The following SLC10A7 variants were observed in gnomAD, a reference collection of about 807,000 sequenced individuals.
The protein encoded by SLC10A7 is solute carrier family 10 member 7, also known as sodium/bile acid cotransporter 7.
In SLC10A7, 29 loss-of-function variants were observed where a neutral mutation model predicts 43.2. That is an observed-to-expected ratio of 0.67 (90% CI 0.50 to 0.92). The LOEUF is 0.92. Ranked by LOEUF, SLC10A7 falls within the 40% of genes least tolerant of loss-of-function variation. The pLI, the probability that SLC10A7 is intolerant of heterozygous loss-of-function variation, is 0.00. For missense variants in SLC10A7, 295 were observed against 403.2 expected (o/e 0.73, Z 2.30); for synonymous variants, 152 against 144.8 (o/e 1.05, Z -0.35).
intron 4 of SLC10A7, among the ~76,000 whole-genome samples, chr4:146,467,477 A>ACACG (rs1733135240): frequency 6.7e-6 from 1 of 150,362 alleles, no homozygotes; most frequent in Admixed American, 6.6e-5. Context: ...ACACACACAC[A>ACACG]CACACACACA....
At chr4:146,432,461 C>CAAAAGTGTAT (rs1729849371) in intron 5 of SLC10A7, among the ~76,000 whole-genome samples, 1 of 151,918 alleles carries the variant, frequency 6.6e-6, no homozygotes, top group South Asian at 2.1e-4. Context: ...AGATGAATCA[C>CAAAAGTGTAT]AAAAGTGTAT....
chr4:146,385,844 A>T (rs2149796564), intron 5 of SLC10A7, among the ~76,000 whole-genome samples: 1 of 152,308 alleles, frequency 6.6e-6, no homozygotes, highest in Admixed American at 6.5e-5. Context: ...AAGTGAGAAC[A>T]TGCAGTATTT....
chr4:146,402,730 A>C (rs1015701823), intron 5 of SLC10A7, among the ~76,000 whole-genome samples: 2 of 152,244 alleles, frequency 1.3e-5, no homozygotes, highest in African/African-American at 4.8e-5. Context: ...TTCTAACTCC[A>C]TTTCGCCTTG....
chr4:146,439,699 C>T (rs76044323), intron 5 of SLC10A7, among the ~76,000 whole-genome samples: 248 of 152,146 alleles, frequency 1.6e-3, no homozygotes, highest in Non-Finnish European at 3.0e-3. Flanking sequence ...ACAGTTTAGG[C>T]GCTATCATTA....
At chr4:146,439,528 C>A (rs192528246) in intron 5 of SLC10A7, among the ~76,000 whole-genome samples, 2 of 152,136 alleles carry the variant, frequency 1.3e-5, no homozygotes, top group South Asian at 2.1e-4. Flanking sequence ...TCTTGCCAAG[C>A]TTAGTCAGAG....
At chr4:146,279,020 G>A (rs1489296392) in intron 10 of SLC10A7, among the ~76,000 whole-genome samples, 1 of 152,134 alleles carries the variant, frequency 6.6e-6, no homozygotes, top group African/African-American at 2.4e-5. Context: ...GTACACAAAT[G>A]TCTGTAAATG....
intron 4 of SLC10A7, among the ~76,000 whole-genome samples, chr4:146,455,604 A>C (rs2149922856): frequency 6.6e-6 from 1 of 152,044 alleles, no homozygotes; most frequent in South Asian, 2.1e-4. Context: ...GCTTTTCATT[A>C]GCAATAAAAT....
At position 146,393,043 on chromosome 4, in the gene SLC10A7, T is replaced by G. The variant is rs189714067; in HGVS notation, c.435+49740A>C. On this transcript the variant is annotated intron_variant, in intron 5 of 11. Coordinates refer to ENST00000335472, the MANE Select transcript of SLC10A7 (RefSeq NM_001029998.6). ...CTTAGGAAATTCCATTGTTCAGGTCTCAGCTTAAAAGTCAATTGTGTCCCA... is the reference window on the plus strand; with the variant it reads ...CTTAGGAAATTCCATTGTTCAGGTCGCAGCTTAAAAGTCAATTGTGTCCCA... Among the ~76,000 whole-genome samples, 727 of 151,928 alleles carry G rather than the reference T, an allele frequency of 4.8e-3. 3 individuals are homozygous for G. The highest frequency in any genetic ancestry group is 8.9e-3 in the Non-Finnish European group (605 of 67,942).
At chr4:146,335,909 G>C (rs1733864242) in intron 5 of SLC10A7, among the ~76,000 whole-genome samples, 1 of 152,020 alleles carries the variant, frequency 6.6e-6, no homozygotes, top group Admixed American at 6.6e-5. Flanking sequence ...ATCCTCACTA[G>C]ATTGAAATGT....
rs542619683 is a variant in SLC10A7 at position 146,318,806 on chromosome 4, G to A, written c.471+7155C>T. Among the ~76,000 whole-genome samples the A allele has an allele frequency of 1.9e-4, 13 of 69,854 alleles. No individual in the cohort carries two copies. The South Asian group carries it at 5.8e-3, about 31-fold the overall frequency. The allele number at this position is 69,854 out of a possible 152,430, so 45.8% of individuals were successfully genotyped here. A position where few individuals can be genotyped will look rare whatever the true frequency, so the allele number is the denominator to read the frequency against. On this transcript the variant is annotated intron_variant, in intron 6 of 11. Transcript: ENST00000335472. ...AAAATCTTCCCTATCTTAGTAAATG[G>A]CAACTCTACACTTCCAGCTGCTCAG...
chr4:146,439,750 T>C (rs1730458899), intron 5 of SLC10A7, among the ~76,000 whole-genome samples: 1 of 152,134 alleles, frequency 6.6e-6, no homozygotes, highest in Non-Finnish European at 1.5e-5. Flanking sequence ...ATTAGGCTAG[T>C]AGTCAGTCAA....
intron 5 of SLC10A7, among the ~76,000 whole-genome samples, chr4:146,420,454 T>TA (rs1270110505): frequency 6.6e-6 from 1 of 152,284 alleles, no homozygotes; most frequent in East Asian, 1.9e-4. Context: ...TAGTGATGCT[T>TA]AAAAAACGTA....
intron 5 of SLC10A7, among the ~76,000 whole-genome samples, chr4:146,352,604 C>T (rs1387123881): frequency 6.8e-6 from 1 of 146,074 alleles, no homozygotes; most frequent in African/African-American, 2.5e-5. Context: ...CACCACACCA[C>T]ACCTATTCCA....
intron 10 of SLC10A7, among the ~76,000 whole-genome samples, chr4:146,273,687 G>C (rs78100181): frequency 0.027 from 4,096 of 152,146 alleles, 81 homozygotes; most frequent in Non-Finnish European, 0.04. Context: ...AAATTTAGCA[G>C]TCTACCAGGA....
intron 4 of SLC10A7, among the ~76,000 whole-genome samples, chr4:146,470,316 G>T (rs11734649): frequency 0.78 from 119,033 of 151,700 alleles, 47,023 homozygotes; most frequent in East Asian, 0.95. Context: ...ATATCCCTAG[G>T]TATACTACTG....
intron 1 of SLC10A7, among the ~76,000 whole-genome samples, chr4:146,517,560 C>T (rs891165571): frequency 1.3e-5 from 2 of 152,052 alleles, no homozygotes; most frequent in Non-Finnish European, 2.9e-5. Context: ...GTCTTACTGT[C>T]CCAACAGAGG....
chr4:146,283,458 G>A (rs1333048559), intron 9 of SLC10A7, among the ~76,000 whole-genome samples, 193 bp from the exon 10 acceptor site: 2 of 152,074 alleles, frequency 1.3e-5, no homozygotes, highest in Non-Finnish European at 2.9e-5. Flanking sequence ...ATTTATCCAT[G>A]AAAAGGAGAA....
At chr4:146,434,779 G>C (rs1424397804) in intron 5 of SLC10A7, among the ~76,000 whole-genome samples, 3 of 152,116 alleles carry the variant, frequency 2.0e-5, no homozygotes, top group Non-Finnish European at 4.4e-5. Context: ...GGTCAGGCTG[G>C]TCTCGAACTC....
In SLC10A7 at chr4:146,388,838, G is replaced by C. The variant is rs535870796; in HGVS notation, c.435+53945C>G. On this transcript the variant is annotated intron_variant, in intron 5 of 11. Transcript: ENST00000335472. ...TCTTCTGGACATTGACATAGGCAAA[G>C]AATTCATGACTAAGTCCTCAAAAGA... Among the ~76,000 whole-genome samples, 7 of 150,890 alleles carry C rather than the reference G, an allele frequency of 4.6e-5. No homozygotes were observed. The East Asian group carries it at 1.4e-3, about 29-fold the overall frequency.
Sources: allele counts gnomAD v4.1 joint callset (sites outside exome capture counted in the v4.1 genomes callset), GRCh38; gene constraint gnomAD v4.1.1; transcripts MANE v1.5; gene names NCBI Gene and HGNC (gene_info 2026-07-23, HGNC 2026-07-21).